The following FBXO34 variants were observed in gnomAD, a reference collection of about 807,000 sequenced individuals.
FBXO34 encodes the protein F-box only protein 34.
FBXO34 carries 12 observed loss-of-function variants against 24.5 expected under a neutral mutation model. That is an observed-to-expected ratio of 0.49 (90% CI 0.31 to 0.79). FBXO34 has a LOEUF of 0.79. FBXO34 is among the 30% of genes least tolerant of loss of function. The probability of loss-of-function intolerance (pLI) is 0.04; values close to 1 mark genes in which losing one functional copy is unlikely to be tolerated. For missense variants in FBXO34, 823 were observed against 857.7 expected, an observed-to-expected ratio of 0.96 and a Z score of 0.51; for synonymous variants, 320 against 311.9, an observed-to-expected ratio of 1.03 and a Z score of -0.27.
intron 1 of FBXO34, among the ~76,000 whole-genome samples, chr14:55,341,885 G>A (rs79759423): frequency 0.058 from 8,855 of 152,238 alleles, 326 homozygotes; most frequent in South Asian, 0.089. Flanking sequence ...ATCCTGAAGT[G>A]TTATTTAATA....
chr14:55,411,569 GAAGA>G, the FBXO34 span: 1 of 1,576,568 alleles, frequency 6.3e-7, no homozygotes, highest in Admixed American at 1.8e-5. Context: ...ACACACAGCA[GAAGA>G]AACAATAGGG....
chr14:55,437,075 A>G, the FBXO34 span: 1 of 1,476,612 alleles, frequency 6.8e-7, no homozygotes, highest in Non-Finnish European at 9.4e-7. Context: ...AGCATGTTAC[A>G]CAAAAGGGAT....
At chr14:55,286,926 T>G (rs1881782621) in intron 1 of FBXO34, among the ~76,000 whole-genome samples, 1 of 150,070 alleles carries the variant, frequency 6.7e-6, no homozygotes, top group Non-Finnish European at 1.5e-5. Flanking sequence ...TTTTTTTTTT[T>G]GAGACAGAGT....
At chr14:55,394,143 A>G in the FBXO34 span, among the ~76,000 whole-genome samples, 1 of 151,282 alleles carries the variant, frequency 6.6e-6, no homozygotes, top group African/African-American at 2.4e-5. Flanking sequence ...AGTAGCTGGG[A>G]TTACAGGCGT....
chr14:55,413,548 G>A, the FBXO34 span: 1 of 405,798 alleles, frequency 2.5e-6, no homozygotes, highest in South Asian at 2.3e-5. Flanking sequence ...AATTTTTTTT[G>A]ACACCTATTA....
At chr14:55,420,072 GT>G in the FBXO34 span, among the ~76,000 whole-genome samples, 2 of 151,724 alleles carry the variant, frequency 1.3e-5, no homozygotes, top group Non-Finnish European at 2.9e-5. Context: ...GGTTTTTTTT[GT>G]TTGTTTGTTT....
downstream of FBXO34, among the ~76,000 whole-genome samples, chr14:55,354,156 C>T (rs931610229): frequency 6.6e-6 from 1 of 152,118 alleles, no homozygotes; most frequent in African/African-American, 2.4e-5. Context: ...GTCTGTGACA[C>T]GGGATCAAGA....
At chr14:55,406,020 G>A in the FBXO34 span, among the ~76,000 whole-genome samples, 418 of 152,162 alleles carry the variant, frequency 2.7e-3, 1 homozygote, top group African/African-American at 9.6e-3. Context: ...TCTTCCCATC[G>A]AACAACGACA....
At chr14:55,390,878 C>G in the FBXO34 span, 19 of 1,458,494 alleles carry the variant, frequency 1.3e-5, no homozygotes, top group East Asian at 2.3e-5. Context: ...TAGGCACTTT[C>G]TAGGGCTGGA....
chr14:55,425,033 C>G, the FBXO34 span, among the ~76,000 whole-genome samples: 10 of 152,196 alleles, frequency 6.6e-5, no homozygotes, highest in African/African-American at 2.2e-4. Flanking sequence ...CAATGGAACA[C>G]TAGCATCTTT....
At chr14:55,385,748 C>A in the FBXO34 span, 1 of 955,476 alleles carries the variant, frequency 1.0e-6, no homozygotes. Context: ...GTTCCATCAC[C>A]AGGAAAACCA....
At chr14:55,380,783 T>C in the FBXO34 span, 1 of 780,238 alleles carries the variant, frequency 1.3e-6, no homozygotes, top group Non-Finnish European at 2.0e-6. Flanking sequence ...TTTATCATGA[T>C]AGCACTGTTA....
chr14:55,336,157 GA>G (rs1362479177), intron 1 of FBXO34, among the ~76,000 whole-genome samples: 11 of 152,124 alleles, frequency 7.2e-5, no homozygotes, highest in Non-Finnish European at 1.5e-4. Flanking sequence ...ATTTAATTAG[GA>G]ATTGGATTGA....
At chr14:55,418,744 A>G in the FBXO34 span, among the ~76,000 whole-genome samples, 1 of 152,188 alleles carries the variant, frequency 6.6e-6, no homozygotes, top group African/African-American at 2.4e-5. Context: ...GTTTTCCTGA[A>G]GCATCTTTGT....
chr14:55,292,873 G>A (rs1256864856), intron 1 of FBXO34, among the ~76,000 whole-genome samples: 1 of 151,966 alleles, frequency 6.6e-6, no homozygotes, highest in Non-Finnish European at 1.5e-5. Flanking sequence ...CAGTTCTTTA[G>A]GTAAAGAAAC....
At chr14:55,310,826 CCAT>C (rs1010853063) in intron 1 of FBXO34, among the ~76,000 whole-genome samples, 60 of 152,164 alleles carry the variant, frequency 3.9e-4, no homozygotes, top group Middle Eastern at 6.8e-3. Context: ...CCTATGATGA[CCAT>C]CATCCAGTTT....
At chr14:55,286,982 C>T (rs1425030674) in intron 1 of FBXO34, among the ~76,000 whole-genome samples, 1 of 148,546 alleles carries the variant, frequency 6.7e-6, no homozygotes, top group Non-Finnish European at 1.5e-5. Context: ...GATCTCAGCT[C>T]ACTGCAACCT....
the FBXO34 span, among the ~76,000 whole-genome samples, chr14:55,383,833 T>A: frequency 1.3e-5 from 2 of 151,844 alleles, no homozygotes; most frequent in African/African-American, 4.8e-5. Context: ...GAACATAGCA[T>A]GCTTGGGGAA....
the FBXO34 span, among the ~76,000 whole-genome samples, chr14:55,383,070 TA>T: frequency 1.3e-5 from 2 of 152,196 alleles, no homozygotes; most frequent in African/African-American, 4.8e-5. Context: ...AAAGAGCAGC[TA>T]GTTCAGCGTG....
Sources: allele counts gnomAD v4.1 joint callset (sites outside exome capture counted in the v4.1 genomes callset), GRCh38; gene constraint gnomAD v4.1.1; transcripts MANE v1.5; gene names NCBI Gene and HGNC (gene_info 2026-07-23, HGNC 2026-07-21).